VPS13C: variants seen among roughly 807,000 people sequenced by gnomAD.
VPS13C encodes the protein vacuolar protein sorting 13 homolog C.
VPS13C carries 358 observed loss-of-function variants against 456.8 expected under a neutral mutation model. That is an observed-to-expected ratio of 0.78 (90% CI 0.72 to 0.86). VPS13C has a LOEUF of 0.86. Among genes scored for constraint, VPS13C ranks in the 40% least tolerant of loss-of-function variants. The pLI, the probability that VPS13C is intolerant of heterozygous loss-of-function variation, is 0.00. For missense variants in VPS13C, 4,818 were observed against 4,385.4 expected, an observed-to-expected ratio of 1.10 and a Z score of -2.79; for synonymous variants, 1,578 against 1,486.7, an observed-to-expected ratio of 1.06 and a Z score of -1.41.
chr15:61,877,092 A>G, intron 74 of VPS13C, 38 bp from the exon 75 acceptor site: 1 of 1,481,496 alleles, frequency 6.7e-7, no homozygotes, highest in African/African-American at 1.4e-5. Context: ...AGATACTAAT[A>G]TTATATGATA....
chr15:61,965,361 T>G (rs1374848175), intron 30 of VPS13C, among the ~76,000 whole-genome samples: 1 of 151,932 alleles, frequency 6.6e-6, no homozygotes, highest in Non-Finnish European at 1.5e-5. Context: ...GGTGTTATCA[T>G]TTAAAAAGAA....
intron 15 of VPS13C, among the ~76,000 whole-genome samples, chr15:62,001,520 T>C (rs2046615070): frequency 6.6e-6 from 1 of 152,260 alleles, no homozygotes; most frequent in Non-Finnish European, 1.5e-5. Context: ...TATTTACTTT[T>C]TTTTTATTAT....
intron 81 of VPS13C, chr15:61,866,064 G>T (rs938131920): frequency 6.1e-6 from 6 of 984,276 alleles, no homozygotes; most frequent in East Asian, 1.1e-4. Context: ...AGGACAGAAG[G>T]CTTCTTTTGT....
intron 3 of VPS13C, among the ~76,000 whole-genome samples, chr15:62,037,241 T>C (rs1269206615): frequency 7.2e-5 from 2 of 27,946 alleles, no homozygotes; most frequent in East Asian, 8.5e-4. Context: ...TATATAAATA[T>C]ATATAATATA....
intron 66 of VPS13C, among the ~76,000 whole-genome samples, chr15:61,906,453 T>C (rs2140132481): frequency 6.6e-6 from 1 of 152,338 alleles, no homozygotes; most frequent in Non-Finnish European, 1.5e-5. Flanking sequence ...ATGTCATTGC[T>C]ACCTTCTCTC....
At chr15:61,976,986 C>T (rs2045721109) in intron 24 of VPS13C, 96 bp downstream of exon 24, 2 of 835,764 alleles carry the variant, frequency 2.4e-6, no homozygotes, top group South Asian at 1.7e-5. Flanking sequence ...TTGCTGTCTC[C>T]CACAGAAATC....
intron 27 of VPS13C, among the ~76,000 whole-genome samples, chr15:61,970,426 T>A (rs1330061837): frequency 1.3e-5 from 2 of 152,048 alleles, no homozygotes; most frequent in Non-Finnish European, 1.5e-5. Flanking sequence ...CAGAATAATA[T>A]AAATACTGAA....
chr15:61,989,832 C>A (rs951575730), intron 18 of VPS13C, among the ~76,000 whole-genome samples: 2 of 152,176 alleles, frequency 1.3e-5, no homozygotes, highest in African/African-American at 4.8e-5. Context: ...TCCTCGCATA[C>A]TGATAGCGGA....
chr15:61,902,428 TACA>T (rs766574353), intron 66 of VPS13C, among the ~76,000 whole-genome samples: 11 of 151,612 alleles, frequency 7.3e-5, no homozygotes, highest in South Asian at 6.2e-4. Context: ...CAGACAAAGA[TACA>T]ACAACAACTA....
chr15:61,957,199 C>T (rs1250921580), intron 37 of VPS13C, among the ~76,000 whole-genome samples: 1 of 151,984 alleles, frequency 6.6e-6, no homozygotes, highest in Non-Finnish European at 1.5e-5. Flanking sequence ...AGCCAAACAT[C>T]GAAGAGTAAA....
At position 61,880,692 on chromosome 15, in the gene VPS13C, G is replaced by C. The variant is rs776745083; in HGVS notation, c.9919C>G (p.Leu3307Val). 1 of 1,594,846 alleles carries C rather than the reference G, an allele frequency of 6.3e-7. No homozygotes were observed. The highest frequency in any genetic ancestry group is 8.5e-7 in the Non-Finnish European group (1 of 1,172,604). Residue 3307 changes from leucine to valine, a missense_variant, in exon 73 of 85, where the codon CTA (leucine) becomes GTA (valine). Coordinates refer to ENST00000644861, the MANE Select transcript of VPS13C (RefSeq NM_020821.3). The stretch of plus-strand genomic sequence containing the variant: ...GAAGTCTCCATTAATTCTGCATTTA[G>C]AGCATCAATATCTTGTTGGATTAAC... ...TKLIQQDIDA[L>V]NAELMETSMT...
At chr15:61,954,651 CA>C in intron 37 of VPS13C, 97 bp from the exon 38 acceptor site, 2 of 1,260,292 alleles carry the variant, frequency 1.6e-6, no homozygotes, top group African/African-American at 3.1e-5. Context: ...CTGGTAGAGG[CA>C]ATGAAAATCC....
At chr15:62,047,739 C>T (rs1035910442) in intron 1 of VPS13C, among the ~76,000 whole-genome samples, 1 of 152,126 alleles carries the variant, frequency 6.6e-6, no homozygotes, top group African/African-American at 2.4e-5. Flanking sequence ...AACAAGTACT[C>T]TCCACTAAAC....
chr15:61,940,927 A>C, intron 46 of VPS13C, 133 bp from the exon 47 acceptor site: 1 of 868,122 alleles, frequency 1.2e-6, no homozygotes. Flanking sequence ...TTTAGAATAC[A>C]CTTCTTTTCA....
intron 10 of VPS13C, 148 bp from the exon 11 acceptor site, chr15:62,013,267 G>A (rs1419500788): frequency 1.9e-6 from 1 of 514,472 alleles, no homozygotes. Flanking sequence ...AAAAATGAGG[G>A]GAAAATATAT....
chr15:61,903,897 C>G (rs1392175144), intron 66 of VPS13C, among the ~76,000 whole-genome samples: 1 of 152,068 alleles, frequency 6.6e-6, no homozygotes, highest in East Asian at 1.9e-4. Flanking sequence ...GTGTCTTCAA[C>G]AAATGGTGCT....
intron 3 of VPS13C, among the ~76,000 whole-genome samples, chr15:62,037,910 G>A (rs1301609432): frequency 6.6e-6 from 1 of 152,004 alleles, no homozygotes; most frequent in Non-Finnish European, 1.5e-5. Context: ...AAATATTCTT[G>A]TATGTTAAAA....
At position 61,909,058 on chromosome 15, in the gene VPS13C, T is replaced by C. The variant is rs747886258; in HGVS notation, c.8912A>G (p.His2971Arg). ...HSTVITFSDY[H>R]EGSAPALIMN... is the part of the protein sequence containing the mutation. ...TATCAAGGCAGGTGCAGATCCCTCA[T>C]GGTAATCAGAAAAAGTTATGACAGT... Residue 2971 changes from histidine to arginine, a missense_variant, in exon 65 of 85, where the codon CAT (histidine) becomes CGT (arginine). His to Arg is a conservative substitution (Grantham distance 29). This residue lies in a region of VPS13C where 4,552 missense variants were observed against 4,130.6 expected (regional missense o/e 1.10). Coordinates refer to ENST00000644861, the MANE Select transcript of VPS13C (RefSeq NM_020821.3). 10 of 1,613,898 alleles carry C rather than the reference T, an allele frequency of 6.2e-6. No homozygotes were observed. The highest frequency in any genetic ancestry group is 2.7e-5 in the African/African-American group (2 of 74,962).
In VPS13C at chr15:61,997,780, T is replaced by C. The variant is rs570345771; in HGVS notation, c.1353+2784A>G. ...TATTTGCAACCATTCTCAGTAAAGC[T>C]ACTATCACCACTCATCTCAACTATT... On this transcript the variant is annotated intron_variant, in intron 16 of 84. Coordinates refer to ENST00000644861, the MANE Select transcript of VPS13C (RefSeq NM_020821.3). Among the ~76,000 whole-genome samples, 112 of 152,176 alleles carry C rather than the reference T, an allele frequency of 7.4e-4. 1 individual carries two copies. The highest frequency in any genetic ancestry group is 2.6e-3 in the Admixed American group (40 of 15,270).
Sources: gnomAD v4.1 joint callset for allele counts (sites outside exome capture counted in the v4.1 genomes callset) on GRCh38, gnomAD v4.1.1 for gene constraint, gnomAD v4.1.1 regional missense constraint, MANE v1.5 for transcripts, NCBI Gene and HGNC (gene_info 2026-07-23, HGNC 2026-07-21) for gene names.